Variants in PXDNL observed in about 807,000 individuals in gnomAD.
PXDNL encodes the protein peroxidasin like, also known as probable oxidoreductase PXDNL.
PXDNL carries 145 observed loss-of-function variants against 150.8 expected under a neutral mutation model. The observed-to-expected ratio is 0.96, with a 90% confidence interval of 0.84 to 1.10. The LOEUF (loss-of-function observed/expected upper bound fraction) is 1.10, where lower values mean the gene tolerates loss of function less well. Among genes scored for constraint, PXDNL ranks in the 50% least tolerant of loss-of-function variants. The probability of loss-of-function intolerance (pLI) is 0.00; values close to 1 mark genes in which losing one functional copy is unlikely to be tolerated. For missense variants in PXDNL, 2,087 were observed against 1,873.9 expected, an observed-to-expected ratio of 1.11 and a Z score of -2.10; for synonymous variants, 757 against 725.7, an observed-to-expected ratio of 1.04 and a Z score of -0.69.
At chr8:51,477,037 G>A (rs946228558) in intron 6 of PXDNL, among the ~76,000 whole-genome samples, 4 of 152,096 alleles carry the variant, frequency 2.6e-5, no homozygotes, top group Admixed American at 1.3e-4. Context: ...TCAATATCAC[G>A]TTACTGGAAG....
At chr8:51,396,167 G>A (rs1486448135) in intron 17 of PXDNL, among the ~76,000 whole-genome samples, 1 of 151,640 alleles carries the variant, frequency 6.6e-6, no homozygotes, top group Non-Finnish European at 1.5e-5. Flanking sequence ...GGATGGGCTA[G>A]ACGGGGAATG....
At chr8:51,533,175 G>A (rs1421945086) in intron 4 of PXDNL, among the ~76,000 whole-genome samples, 1 of 152,052 alleles carries the variant, frequency 6.6e-6, no homozygotes, top group Non-Finnish European at 1.5e-5. Context: ...TTTTGAGGCA[G>A]AGTCTTGCCC....
At chr8:51,702,518 G>A (rs1245388964) in intron 1 of PXDNL, among the ~76,000 whole-genome samples, 1 of 152,080 alleles carries the variant, frequency 6.6e-6, no homozygotes, top group Non-Finnish European at 1.5e-5. Flanking sequence ...CAACTAACAC[G>A]CTCCCTTTTT....
chr8:51,709,445 A>T lies in PXDNL; in HGVS notation c.165-54685T>A, dbSNP rs150203658. Among the ~76,000 whole-genome samples the T allele has an allele frequency of 4.3e-4, 66 of 152,112 alleles. 1 individual carries two copies. Among genetic ancestry groups the T allele is most frequent in the African/African-American group, 1.4e-3 (60 of 41,508 alleles). On this transcript the variant is annotated intron_variant, in intron 1 of 22. Transcript: ENST00000356297. ...AATTTTTTTTATTTTTAGTAGAGAC[A>T]GGGTTTCACCGTGTTCGCCAGGATG...
chr8:51,452,914 A>G lies in PXDNL; in HGVS notation c.1249+605T>C, dbSNP rs141252971. 3.6e-3 allele frequency among the ~76,000 whole-genome samples: 552 copies of G among 151,708 alleles called. 5 individuals carry two copies. Among genetic ancestry groups the G allele is most frequent in the South Asian group, 6.4e-3 (31 of 4,808 alleles). ...ATGGCATGCAGGCACACATGCACAC[A>G]CACACAAACGCACACACACAAACAC... is the stretch of plus-strand genomic sequence containing the variant. On this transcript the variant is annotated intron_variant, in intron 10 of 22. Coordinates refer to ENST00000356297, the MANE Select transcript of PXDNL (RefSeq NM_144651.5).
intron 1 of PXDNL, among the ~76,000 whole-genome samples, chr8:51,757,516 T>C (rs1410088101): frequency 6.6e-6 from 1 of 152,252 alleles, no homozygotes; most frequent in Non-Finnish European, 1.5e-5. Context: ...GATCAGTATT[T>C]CAACCTTTGC....
chr8:51,582,055 CT>C (rs1397500322), intron 3 of PXDNL, among the ~76,000 whole-genome samples: 5 of 152,064 alleles, frequency 3.3e-5, no homozygotes, highest in African/African-American at 1.2e-4. Context: ...AAGAAGTATA[CT>C]TTTAAGTTTC....
chr8:51,555,865 G>T (rs767905623), intron 4 of PXDNL, among the ~76,000 whole-genome samples: 1 of 152,144 alleles, frequency 6.6e-6, no homozygotes, highest in Non-Finnish European at 1.5e-5. Flanking sequence ...ATGACCTTTT[G>T]ATATTGAAGA....
At chr8:51,329,288 A>T (rs1805610124) in intron 21 of PXDNL, among the ~76,000 whole-genome samples, 1 of 152,216 alleles carries the variant, frequency 6.6e-6, no homozygotes, top group African/African-American at 2.4e-5. Flanking sequence ...TCTCTGAGGA[A>T]GAATACATAA....
At chr8:51,712,189 T>G (rs1816517390) in intron 1 of PXDNL, among the ~76,000 whole-genome samples, 1 of 152,180 alleles carries the variant, frequency 6.6e-6, no homozygotes. Context: ...ATTTTTTTTT[T>G]CTTTTTTGAG....
intron 1 of PXDNL, among the ~76,000 whole-genome samples, chr8:51,791,210 G>T (rs1487693648): frequency 1.3e-5 from 2 of 152,174 alleles, no homozygotes; most frequent in African/African-American, 4.8e-5. Context: ...CTAGATCTGT[G>T]AGCCAGAAAT....
At chr8:51,701,813 C>CATAGGA (rs60406246) in intron 1 of PXDNL, among the ~76,000 whole-genome samples, 2 of 151,380 alleles carry the variant, frequency 1.3e-5, no homozygotes, top group Non-Finnish European at 3.0e-5. Context: ...ATTTTTCAGA[C>CATAGGA]ATTTTCGAAA....
At chr8:51,763,785 A>G (rs942011815) in intron 1 of PXDNL, among the ~76,000 whole-genome samples, 8 of 152,152 alleles carry the variant, frequency 5.3e-5, no homozygotes, top group Non-Finnish European at 8.8e-5. Flanking sequence ...TTGACCTCCA[A>G]AAAAAATTAT....
chr8:51,390,871 A>G (rs557640006), intron 17 of PXDNL, among the ~76,000 whole-genome samples: 4 of 151,902 alleles, frequency 2.6e-5, no homozygotes, highest in African/African-American at 7.3e-5. Context: ...CATTAGGTAT[A>G]TGTCCTAATG....
In PXDNL at chr8:51,371,992, C is replaced by T. The variant is rs758788678; in HGVS notation, c.3782G>A (p.Gly1261Asp). ...ASLSRVLCDN[G>D]DSIQQVQADV... ...AGCCTGCACTTGCTGAATGCTGTCACCATTGTCACAAAGCACCCGGCTCAG... is the reference window on the plus strand; with the variant it reads ...AGCCTGCACTTGCTGAATGCTGTCATCATTGTCACAAAGCACCCGGCTCAG... The change falls in exon 19 of 23, where the codon GGT (glycine) becomes GAT (aspartate). Residue 1261 changes from glycine (G) to aspartate (D), a missense_variant. By Grantham distance (94) the Gly-to-Asp change is moderately conservative. Transcript: ENST00000356297. 4 of 1,613,654 alleles carry T rather than the reference C, an allele frequency of 2.5e-6. No individual in the cohort carries two copies. Among genetic ancestry groups the T allele is most frequent in the Non-Finnish European group, 3.4e-6 (4 of 1,179,756 alleles).
At chr8:51,320,734 C>T (rs748669687) in intron 22 of PXDNL, 50 bp downstream of exon 22, 1 of 1,263,310 alleles carries the variant, frequency 7.9e-7, no homozygotes, top group Non-Finnish European at 1.1e-6. Context: ...CTTCAACTGG[C>T]TGGCTAGAAG....
intron 4 of PXDNL, among the ~76,000 whole-genome samples, chr8:51,511,001 T>C (rs1811404265): frequency 6.6e-6 from 1 of 152,138 alleles, no homozygotes; most frequent in African/African-American, 2.4e-5. Flanking sequence ...GCTATGAGGA[T>C]GCTATCGTGG....
chr8:51,457,468 AT>A (rs763301158), intron 9 of PXDNL, 29 bp downstream of exon 9: 1 of 1,552,922 alleles, frequency 6.4e-7, no homozygotes. Flanking sequence ...AGTGCAGATA[AT>A]TGATAGAACT....
chr8:51,345,690 CTG>C (rs1487627308), intron 20 of PXDNL, 141 bp downstream of exon 20: 1 of 563,302 alleles, frequency 1.8e-6, no homozygotes, highest in Non-Finnish European at 3.2e-6. Context: ...AGAATTCATT[CTG>C]TGTTTTCTCC....
Sources: gnomAD v4.1 joint callset for allele counts (sites outside exome capture counted in the v4.1 genomes callset) on GRCh38, gnomAD v4.1.1 for gene constraint, MANE v1.5 for transcripts, NCBI Gene and HGNC (gene_info 2026-07-23, HGNC 2026-07-21) for gene names.